Variants in CPE observed in about 807,000 individuals in gnomAD.
The protein encoded by CPE is carboxypeptidase E.
Under a neutral mutation model 53.5 loss-of-function variants are expected in CPE, and 17 were observed. That is an observed-to-expected ratio of 0.32 (90% CI 0.22 to 0.48). The LOEUF (loss-of-function observed/expected upper bound fraction) is 0.48. CPE is among the 20% of genes least tolerant of loss of function. CPE has a pLI of 0.99. For missense variants in CPE, 524 were observed against 614.7 expected, an observed-to-expected ratio of 0.85 and a Z score of 1.56; for synonymous variants, 226 against 228.8, an observed-to-expected ratio of 0.99 and a Z score of 0.11.
chr4:165,467,766 G>T lies in CPE; in HGVS notation c.583G>T (p.Asp195Tyr). 6.2e-7 allele frequency: 1 copy of T among 1,613,816 alleles called. No homozygotes were observed. Among genetic ancestry groups the T allele is most frequent in the Non-Finnish European group, 8.5e-7 (1 of 1,179,858 alleles). ...TCTGAACCGGAACTTTCCAGACCTG[G>T]ATAGGATAGTGTACGTGAATGAGAA... ...IDLNRNFPDL[D>Y]RIVYVNEKEG... Residue 195 changes from aspartate to tyrosine, a missense_variant, in exon 3 of 9, where the codon GAT becomes TAT. By Grantham distance (160) the Asp-to-Tyr change is radical. Transcript: ENST00000402744.
intron 2 of CPE, among the ~76,000 whole-genome samples, chr4:165,464,963 A>C (rs1177714367): frequency 1.3e-5 from 2 of 152,192 alleles, no homozygotes; most frequent in African/African-American, 2.4e-5. Context: ...GTGTATGTGG[A>C]TGAGCCAGTG....
At chr4:165,411,916 C>T (rs1020039256) in intron 1 of CPE, among the ~76,000 whole-genome samples, 9 of 152,222 alleles carry the variant, frequency 5.9e-5, no homozygotes, top group African/African-American at 2.2e-4. Flanking sequence ...AGAGTCTCTA[C>T]GTTCCTCCAG....
At chr4:165,486,529 C>A (rs1732508007) in intron 5 of CPE, among the ~76,000 whole-genome samples, 1 of 152,122 alleles carries the variant, frequency 6.6e-6, no homozygotes. Flanking sequence ...ACCTGCCTCC[C>A]CATTTTGGTT....
At chr4:165,486,210 G>A (rs1342232197) in intron 5 of CPE, among the ~76,000 whole-genome samples, 2 of 123,090 alleles carry the variant, frequency 1.6e-5, no homozygotes, top group African/African-American at 7.5e-5. Context: ...AAAAGGGGTG[G>A]GGGGGTAGCT....
chr4:165,447,580 A>AAAAAG (rs1016195517), intron 1 of CPE, among the ~76,000 whole-genome samples: 35 of 151,822 alleles, frequency 2.3e-4, no homozygotes, highest in Admixed American at 1.4e-3. Context: ...TTAAAAAAAA[A>AAAAAG]AAAAGAAAAG....
At chr4:165,433,662 C>T (rs968063283) in intron 1 of CPE, among the ~76,000 whole-genome samples, 3 of 152,144 alleles carry the variant, frequency 2.0e-5, no homozygotes, top group Admixed American at 6.5e-5. Flanking sequence ...AAGAAACAGG[C>T]GTGGCGGCAT....
intron 1 of CPE, among the ~76,000 whole-genome samples, chr4:165,423,938 C>A (rs1005212390): frequency 2.6e-5 from 4 of 151,654 alleles, no homozygotes; most frequent in Non-Finnish European, 2.9e-5. Flanking sequence ...ATGATGATTT[C>A]CAATTTCATC....
At chr4:165,383,831 A>G (rs1730542101) in intron 1 of CPE, among the ~76,000 whole-genome samples, 1 of 152,264 alleles carries the variant, frequency 6.6e-6, no homozygotes, top group Admixed American at 6.5e-5. Context: ...AAAATTCGTG[A>G]AGATAGATGT....
intron 3 of CPE, among the ~76,000 whole-genome samples, chr4:165,475,283 G>A (rs76864139): frequency 0.041 from 6,206 of 152,232 alleles, 192 homozygotes; most frequent in East Asian, 0.14. Flanking sequence ...AAACAGCCCT[G>A]GAGGGTAACA....
chr4:165,404,375 A>G, intron 1 of CPE: 2 of 768,640 alleles, frequency 2.6e-6, no homozygotes, highest in South Asian at 2.7e-5. Context: ...CTTAGGAGGC[A>G]TCTTCAGACT....
chr4:165,437,850 C>G (rs1731536322), intron 1 of CPE, among the ~76,000 whole-genome samples: 1 of 151,906 alleles, frequency 6.6e-6, no homozygotes, highest in Non-Finnish European at 1.5e-5. Context: ...GGCATCTAGG[C>G]AGAAGGAACA....
chr4:165,395,358 C>T (rs994651361), intron 1 of CPE, among the ~76,000 whole-genome samples: 1 of 151,998 alleles, frequency 6.6e-6, no homozygotes, highest in Non-Finnish European at 1.5e-5. Flanking sequence ...TAGAGCTAAC[C>T]TTTGGGTATT....
chr4:165,388,422 C>G (rs958207170), intron 1 of CPE, among the ~76,000 whole-genome samples: 4 of 152,072 alleles, frequency 2.6e-5, no homozygotes, highest in African/African-American at 7.2e-5. Flanking sequence ...TTAAATAGAA[C>G]TAATAATTTC....
intron 1 of CPE, among the ~76,000 whole-genome samples, chr4:165,390,680 A>G (rs559730723): frequency 1.1e-4 from 17 of 152,138 alleles, no homozygotes; most frequent in Non-Finnish European, 1.3e-4. Flanking sequence ...CATTGGGATT[A>G]GTAGCATTTT....
intron 1 of CPE, among the ~76,000 whole-genome samples, chr4:165,407,638 C>G (rs572008424): frequency 1.3e-5 from 2 of 152,058 alleles, no homozygotes; most frequent in South Asian, 2.1e-4. Flanking sequence ...ACCTCCACCT[C>G]CGAGGTTCAA....
At chr4:165,392,405 G>A (rs985822905) in intron 1 of CPE, among the ~76,000 whole-genome samples, 4 of 142,556 alleles carry the variant, frequency 2.8e-5, no homozygotes, top group South Asian at 2.2e-4. Flanking sequence ...ATACATATTC[G>A]GAGCTAATCT....
chr4:165,431,061 C>A (rs1045183581), intron 1 of CPE, among the ~76,000 whole-genome samples: 3 of 152,198 alleles, frequency 2.0e-5, no homozygotes, highest in African/African-American at 7.2e-5. Flanking sequence ...AGCCCCATTC[C>A]TAGAGACTTT....
intron 1 of CPE, among the ~76,000 whole-genome samples, chr4:165,427,531 T>G (rs1236970847): frequency 6.6e-6 from 1 of 152,202 alleles, no homozygotes; most frequent in Non-Finnish European, 1.5e-5. Flanking sequence ...TAAATCACTT[T>G]ATAGGGTATA....
intron 1 of CPE, among the ~76,000 whole-genome samples, chr4:165,444,535 T>G (rs1386577997): frequency 6.6e-6 from 1 of 151,814 alleles, no homozygotes. Flanking sequence ...GAAAAAGATA[T>G]CACCATGAGA....
Sources: gnomAD v4.1 joint callset for allele counts (sites outside exome capture counted in the v4.1 genomes callset) on GRCh38, gnomAD v4.1.1 for gene constraint, MANE v1.5 for transcripts, NCBI Gene and HGNC (gene_info 2026-07-23, HGNC 2026-07-21) for gene names.